Variants in PCDHGB5 observed in about 807,000 individuals in gnomAD.
The protein encoded by PCDHGB5 is protocadherin gamma-B5.
In PCDHGB5, 48 loss-of-function variants were observed where a neutral mutation model predicts 62.9. The ratio of observed to expected loss-of-function variants is 0.76; its 90% CI spans 0.61 to 0.97. The LOEUF (loss-of-function observed/expected upper bound fraction) is 0.97, where lower values mean the gene tolerates loss of function less well. PCDHGB5 is among the 50% of genes least tolerant of loss of function. PCDHGB5 has a pLI of 0.00. For synonymous variants in PCDHGB5, 474 were observed against 511.2 expected, an observed-to-expected ratio of 0.93 and a Z score of 0.98; for missense variants, 1,118 against 1,198.6, an observed-to-expected ratio of 0.93 and a Z score of 0.99.
At chr5:141,439,496 G>A (rs1166315364) in intron 1 of PCDHGB5, among the ~76,000 whole-genome samples, 2 of 152,152 alleles carry the variant, frequency 1.3e-5, no homozygotes, top group Non-Finnish European at 2.9e-5. Context: ...AGTGAGAAAC[G>A]TCTTTCTCTC....
At chr5:141,457,631 G>C (rs540600166) in intron 1 of PCDHGB5, among the ~76,000 whole-genome samples, 1 of 152,282 alleles carries the variant, frequency 6.6e-6, no homozygotes, top group African/African-American at 2.4e-5. Flanking sequence ...TCTTATACTT[G>C]GCCTGATTAT....
Position 141,477,365 on chromosome 5 carries a change from C to T in PCDHGB5, c.2398-17442C>T, listed in dbSNP as rs754438240. On this transcript the variant is annotated intron_variant, in intron 1 of 3. Transcript: ENST00000617380. The surrounding 1 kb of genome is among the most constrained non-coding windows in gnomAD (Gnocchi z 4.9). ...TTTGAAAACCAGTGCAGACCTGGAT[C>T]GGGAGACTGTGCCAGAATACAACCT... The T allele has an allele frequency of 6.2e-7, 1 of 1,614,156 alleles. No homozygotes were observed. The highest frequency in any genetic ancestry group is 1.7e-5 in the Admixed American group (1 of 60,022).
Position 141,491,274 on chromosome 5 carries a change from T to C in PCDHGB5, c.2398-3533T>C, listed in dbSNP as rs2099710140. On this transcript the variant is annotated intron_variant, in intron 1 of 3. Transcript: ENST00000617380. The surrounding 1 kb of genome is among the most constrained non-coding windows in gnomAD (Gnocchi z 6.9). ...ACCCTGAGGAAATGCCCAAATCCAG[T>C]GACTTCCTCATACACCCTCCTGAGC... The C allele has an allele frequency of 6.2e-7, 1 of 1,614,102 alleles. No individual in the cohort carries two copies. Among genetic ancestry groups the C allele is most frequent in the Non-Finnish European group, 8.5e-7 (1 of 1,179,914 alleles).
rs1488446232 is a variant in PCDHGB5, at chr5:141,493,171, A to G, written c.2398-1636A>G. On this transcript the variant is annotated intron_variant, in intron 1 of 3. Coordinates refer to ENST00000617380, the MANE Select transcript of PCDHGB5 (RefSeq NM_018925.3). This position sits in a 1 kb window ranked among gnomAD's most constrained non-coding sequence, Gnocchi z 4.3. ...GGTGATTTTGATAGCTGATTGAGAG[A>G]AACTTACTATATAACTCCTTTGAGA... is the stretch of plus-strand genomic sequence containing the variant. 6.6e-6 allele frequency among the ~76,000 whole-genome samples: 1 copy of G among 152,214 alleles called. No homozygotes were observed. The highest frequency in any genetic ancestry group is 1.5e-5 in the Non-Finnish European group (1 of 68,034).
chr5:141,415,744 T>TG (rs2095925177), intron 1 of PCDHGB5: 4 of 404,428 alleles, frequency 9.9e-6, no homozygotes, highest in Admixed American at 2.1e-4. Flanking sequence ...ATTAAGGTTT[T>TG]TTTTTTTTTT....
At chr5:141,461,592 A>G (rs777372149) in intron 1 of PCDHGB5, among the ~76,000 whole-genome samples, 4 of 152,148 alleles carry the variant, frequency 2.6e-5, no homozygotes, top group African/African-American at 2.4e-5. Flanking sequence ...TTATATTTCC[A>G]TTATAATTTA....
intron 1 of PCDHGB5, among the ~76,000 whole-genome samples, chr5:141,481,105 T>C (rs1357970765): frequency 6.6e-6 from 1 of 152,188 alleles, no homozygotes; most frequent in Non-Finnish European, 1.5e-5. Flanking sequence ...CTCTGGAACC[T>C]ACCAATCCAT....
intron 2 of PCDHGB5, among the ~76,000 whole-genome samples, chr5:141,504,563 C>G (rs1036149640): frequency 3.3e-5 from 5 of 149,436 alleles, no homozygotes; most frequent in African/African-American, 1.2e-4. Context: ...GACTGGCATT[C>G]TAGGGAACAC....
At chr5:141,439,124 CAG>C (rs2098089371) in intron 1 of PCDHGB5, among the ~76,000 whole-genome samples, 1 of 150,004 alleles carries the variant, frequency 6.7e-6, no homozygotes, top group Non-Finnish European at 1.5e-5. Flanking sequence ...ACCCGGGAGA[CAG>C]AGGTTGCAGT....
intron 1 of PCDHGB5, chr5:141,420,300 C>T (rs773892933): frequency 1.6e-5 from 24 of 1,467,248 alleles, no homozygotes; most frequent in African/African-American, 2.8e-5. Context: ...TGTATTTAAT[C>T]CTTTTTATAT....
At chr5:141,444,152 A>ATTTTTTTTTTTT (rs747671382) in intron 1 of PCDHGB5, among the ~76,000 whole-genome samples, 4 of 33,898 alleles carry the variant, frequency 1.2e-4, no homozygotes, top group Admixed American at 3.9e-4. Flanking sequence ...TGTGTACTGG[A>ATTTTTTTTTTTT]TTTTTTTTTT....
At position 141,398,164 on chromosome 5, in the gene PCDHGB5, AG is replaced by A. The variant is rs970849138; in HGVS notation, c.39del (p.Arg13SerfsTer34). On this transcript the variant is annotated frameshift_variant, in exon 1 of 4. Transcript: ENST00000617380. LOFTEE classifies it high-confidence loss of function. ...CGCCGGGGAGCTGGGCCGGGCTGAG[AG>A]GCTGCCAGTGCTCTTTCTCTTCCTG... ...SGAGELGRAE[R>X]LPVLFLFLLS... 1 of 1,481,390 alleles carries A rather than the reference AG, an allele frequency of 6.8e-7. No homozygotes were observed. The highest frequency in any genetic ancestry group is 1.4e-5 in the African/African-American group (1 of 70,488). The allele number at this position is 1,481,390 out of a possible 1,614,324, so 91.8% of individuals were successfully genotyped here. A position where few individuals can be genotyped will look rare whatever the true frequency, so the allele number is the denominator to read the frequency against.
rs762738990 is a variant in PCDHGB5, at chr5:141,404,672, G to C, written c.2397+4148G>C. 8.0e-5 allele frequency: 129 copies of C among 1,614,038 alleles called. 1 individual carries two copies. The South Asian group carries it at 1.4e-3, about 18-fold the overall frequency. ...TGCCCTCCCCACTGATGGTTCTACT[G>C]GTGTGGAGCTGGCACCCCGCTCTGC... On this transcript the variant is annotated intron_variant, in intron 1 of 3. Coordinates refer to ENST00000617380, the MANE Select transcript of PCDHGB5 (RefSeq NM_018925.3).
Position 141,505,374 on chromosome 5 carries a change from C to T in PCDHGB5, c.2457-19C>T. The T allele has an allele frequency of 2.5e-6, 4 of 1,614,004 alleles. No homozygotes were observed. Among genetic ancestry groups the T allele is most frequent in the Non-Finnish European group, 2.5e-6 (3 of 1,179,944 alleles). On this transcript the variant is annotated intron_variant, in intron 2 of 3. Coordinates refer to ENST00000617380, the MANE Select transcript of PCDHGB5 (RefSeq NM_018925.3). Reference sequence around the variant, plus strand: ...TGCCGGCCTGGGAGTCTGTGCTCACCATCCTACTCTCTCCCCAGCTCCCAA... The same window carrying T: ...TGCCGGCCTGGGAGTCTGTGCTCACTATCCTACTCTCTCCCCAGCTCCCAA...
chr5:141,484,699 T>A (rs899065665), intron 1 of PCDHGB5, among the ~76,000 whole-genome samples: 4 of 151,966 alleles, frequency 2.6e-5, no homozygotes, highest in African/African-American at 9.7e-5. Flanking sequence ...GCTGTGGCTG[T>A]TTTCCCCGCC....
chr5:141,421,562 A>G (rs1326874908), intron 1 of PCDHGB5: 1 of 1,613,992 alleles, frequency 6.2e-7, no homozygotes, highest in South Asian at 1.1e-5. Context: ...CTTCTCGTGG[A>G]AGACACCTTG....
Position 141,400,271 on chromosome 5 carries a change from C to G in PCDHGB5, c.2144C>G (p.Ser715Cys). Residue 715 changes from serine to cysteine, a missense_variant, in exon 1 of 4, where the codon TCC (serine) becomes TGC (cysteine). Physicochemically the swap from Ser to Cys is moderately radical, Grantham distance 112. Coordinates refer to ENST00000617380, the MANE Select transcript of PCDHGB5 (RefSeq NM_018925.3). ...LAVALRLRRS[S>C]SPAAWSCFQP... The stretch of plus-strand genomic sequence containing the variant: ...GTTGCCTTGCGCCTGCGACGCTCCT[C>G]CAGCCCTGCCGCCTGGAGCTGCTTC... The G allele has an allele frequency of 1.2e-6, 2 of 1,614,094 alleles. No homozygotes were observed. Among genetic ancestry groups the G allele is most frequent in the Non-Finnish European group, 1.7e-6 (2 of 1,179,910 alleles).
At position 141,400,516 on chromosome 5, in the gene PCDHGB5, C is replaced by T; in HGVS notation, c.2389C>T (p.Pro797Ser). Residue 797 changes from proline (P) to serine (S), a missense_variant, in exon 1 of 4, where the codon CCT (proline) becomes TCT (serine). Physicochemically the swap from Pro to Ser is moderately conservative, Grantham distance 74. Around this residue, in one of 2 missense-constraint regions of PCDHGB5, gnomAD observed 1,034 missense variants for 1,029.1 expected, o/e 1.00. Coordinates refer to ENST00000617380, the MANE Select transcript of PCDHGB5 (RefSeq NM_018925.3). ...TAATTCCAGCGAGTCGACTTCCCAT[C>T]CTGAGTTGGTGAGTTTCATTTATGT... ...LCNSSESTSHPELQAPPNTDW... is the reference protein window; with the variant it reads ...LCNSSESTSHSELQAPPNTDW... The T allele has an allele frequency of 1.2e-6, 2 of 1,613,964 alleles. No homozygotes were observed. Among genetic ancestry groups the T allele is most frequent in the African/African-American group, 1.3e-5 (1 of 75,048 alleles).
chr5:141,474,056 C>T (rs576482294), intron 1 of PCDHGB5, among the ~76,000 whole-genome samples: 37 of 152,136 alleles, frequency 2.4e-4, no homozygotes, highest in Non-Finnish European at 4.9e-4. Flanking sequence ...GATGACAGAG[C>T]GAGATCCTGC....
Sources: gnomAD v4.1 joint callset for allele counts (sites outside exome capture counted in the v4.1 genomes callset) on GRCh38, gnomAD v4.1.1 for gene constraint, gnomAD v4.1.1 regional missense constraint, Gnocchi (gnomAD v3.1) non-coding constraint, MANE v1.5 for transcripts, NCBI Gene and HGNC (gene_info 2026-07-23, HGNC 2026-07-21) for gene names.